DGKB: variants seen among roughly 807,000 people sequenced by gnomAD.
DGKB encodes the protein diacylglycerol kinase beta.
Under a neutral mutation model 114.3 loss-of-function variants are expected in DGKB, and 67 were observed. The ratio of observed to expected loss-of-function variants is 0.59; its 90% CI spans 0.48 to 0.72. The LOEUF (loss-of-function observed/expected upper bound fraction) is 0.72. Ranked by LOEUF, DGKB falls within the 30% of genes least tolerant of loss-of-function variation. The probability of loss-of-function intolerance (pLI) is 0.00; values close to 1 mark genes in which losing one functional copy is unlikely to be tolerated. For missense variants in DGKB, 907 were observed against 975.2 expected (o/e 0.93, Z 0.93); for synonymous variants, 398 against 323.1 (o/e 1.23, Z -2.49).
chr7:14,968,405 G>A (rs960883569), intron 1 of DGKB, among the ~76,000 whole-genome samples: 2 of 151,996 alleles, frequency 1.3e-5, no homozygotes, highest in African/African-American at 2.4e-5. Context: ...CATATTTGTG[G>A]CTCCTTTAAA....
chr7:14,595,205 G>A (rs922038626), intron 17 of DGKB, among the ~76,000 whole-genome samples: 4 of 152,084 alleles, frequency 2.6e-5, no homozygotes, highest in African/African-American at 9.7e-5. Flanking sequence ...ATGTAAGAAG[G>A]AGGGTAAATA....
intron 2 of DGKB, among the ~76,000 whole-genome samples, chr7:14,832,705 T>G (rs1200411892): frequency 6.6e-6 from 1 of 152,106 alleles, no homozygotes; most frequent in East Asian, 1.9e-4. Context: ...GTTGTTTTCA[T>G]GGAGATCTCA....
At chr7:14,852,486 T>TAAAAAAAAAAAAAAAAAA (rs1554304182) in intron 1 of DGKB, among the ~76,000 whole-genome samples, 1 of 7,776 alleles carries the variant, frequency 1.3e-4, no homozygotes, top group African/African-American at 3.2e-4. Flanking sequence ...ATAGTGAAAG[T>TAAAAAAAAAAAAAAAAAA]CAAAAAAAAA....
intron 20 of DGKB, among the ~76,000 whole-genome samples, chr7:14,559,619 A>G (rs545302396): frequency 7.2e-5 from 11 of 152,340 alleles, no homozygotes; most frequent in African/African-American, 2.4e-4. Context: ...ACTATTGTCA[A>G]TTGAATTTTT....
chr7:14,300,141 C>A (rs964760713), intron 23 of DGKB, among the ~76,000 whole-genome samples: 1 of 151,964 alleles, frequency 6.6e-6, no homozygotes, highest in African/African-American at 2.4e-5. Flanking sequence ...TTCCAAAGTC[C>A]ACCAATATTT....
At chr7:14,484,990 A>G (rs923383991) in intron 20 of DGKB, among the ~76,000 whole-genome samples, 2 of 143,018 alleles carry the variant, frequency 1.4e-5, no homozygotes, top group African/African-American at 5.2e-5. Context: ...TAACAGAAAA[A>G]TAATACCATT....
intron 2 of DGKB, among the ~76,000 whole-genome samples, chr7:14,801,595 C>A (rs894178378): frequency 6.6e-6 from 1 of 151,618 alleles, no homozygotes; most frequent in Non-Finnish European, 1.5e-5. Context: ...CCTTTTTTTT[C>A]TGCCTGCCTG....
chr7:14,387,079 TTTTG>T (rs1424101521), intron 21 of DGKB, among the ~76,000 whole-genome samples: 3 of 150,316 alleles, frequency 2.0e-5, no homozygotes, highest in East Asian at 1.9e-4. Flanking sequence ...TGTAAAACAG[TTTTG>T]TTTGTTTCTT....
chr7:14,276,185 C>T (rs553929231), intron 23 of DGKB, among the ~76,000 whole-genome samples: 37 of 152,188 alleles, frequency 2.4e-4, no homozygotes, highest in African/African-American at 8.7e-4. Flanking sequence ...TATTTGGTAA[C>T]AGAAAAATTT....
At chr7:14,609,362 C>A (rs1805104196) in intron 16 of DGKB, among the ~76,000 whole-genome samples, 1 of 152,078 alleles carries the variant, frequency 6.6e-6, no homozygotes, top group Non-Finnish European at 1.5e-5. Flanking sequence ...AAACTGGACT[C>A]TTTTCTTTCA....
chr7:14,157,297 A>T (rs1363506898), intron 25 of DGKB, among the ~76,000 whole-genome samples: 1 of 152,032 alleles, frequency 6.6e-6, no homozygotes, highest in African/African-American at 2.4e-5. Context: ...AATAAAGTAC[A>T]TGCTAAATTT....
chr7:14,265,571 C>T (rs38275), intron 23 of DGKB, among the ~76,000 whole-genome samples: 84,548 of 151,584 alleles, frequency 0.56, 26,175 homozygotes, highest in East Asian at 0.99. Flanking sequence ...TCTCTAAGAC[C>T]GAGTTAGATG....
intron 2 of DGKB, among the ~76,000 whole-genome samples, chr7:14,825,490 C>T (rs952628461): frequency 6.6e-6 from 1 of 152,124 alleles, no homozygotes; most frequent in South Asian, 2.1e-4. Flanking sequence ...ATAAGGAGCA[C>T]ACAACCTAGT....
chr7:14,159,932 T>C (rs757437508), intron 25 of DGKB, among the ~76,000 whole-genome samples: 2 of 152,098 alleles, frequency 1.3e-5, no homozygotes, highest in South Asian at 2.1e-4. Context: ...CTCGGCCTCT[T>C]AGAGTGCTGG....
rs111852597 is a variant in DGKB, at chr7:14,923,160, T to C, written c.-188+51536A>G. On this transcript the variant is annotated intron_variant, in intron 1 of 4. Transcript: ENST00000437998. The stretch of plus-strand genomic sequence containing the variant: ...GCTATTGAGTCAGCTGTCTGTCAAA[T>C]TGTGATTTTTTAGAAGGCAATTTAT... Among the ~76,000 whole-genome samples the C allele has an allele frequency of 7.2e-3, 1,099 of 152,338 alleles. 17 individuals are homozygous for C. The highest frequency in any genetic ancestry group is 0.025 in the African/African-American group (1,047 of 41,584).
At chr7:14,615,139 A>C (rs999019743) in intron 15 of DGKB, among the ~76,000 whole-genome samples, 2 of 152,066 alleles carry the variant, frequency 1.3e-5, no homozygotes, top group East Asian at 1.9e-4. Context: ...ATTTTAGTTG[A>C]CTTTTTAGTC....
intron 2 of DGKB, among the ~76,000 whole-genome samples, chr7:14,762,665 CT>C (rs1228799336): frequency 6.6e-6 from 1 of 152,056 alleles, no homozygotes; most frequent in Non-Finnish European, 1.5e-5. Flanking sequence ...TTTCCTGCCT[CT>C]TTGTCTCTTT....
chr7:14,903,032 C>T (rs1370951189), upstream of DGKB: 1 of 152,184 alleles, frequency 6.6e-6, no homozygotes, highest in African/African-American at 2.4e-5. Flanking sequence ...CACCCCCAGT[C>T]CTCCAGACTC....
At chr7:14,699,210 T>A (rs944175918) in intron 7 of DGKB, among the ~76,000 whole-genome samples, 1 of 152,148 alleles carries the variant, frequency 6.6e-6, no homozygotes, top group Non-Finnish European at 1.5e-5. Context: ...ATGTATTTAT[T>A]ACAGATTAAC....
Sources: gnomAD v4.1 joint callset for allele counts (sites outside exome capture counted in the v4.1 genomes callset) on GRCh38, gnomAD v4.1.1 for gene constraint, MANE v1.5 for transcripts, NCBI Gene and HGNC (gene_info 2026-07-23, HGNC 2026-07-21) for gene names.